The following CNBD1 variants were observed in gnomAD, a reference collection of about 807,000 sequenced individuals.
The protein encoded by CNBD1 is cyclic nucleotide binding domain containing 1.
CNBD1 carries 71 observed loss-of-function variants against 54.4 expected under a neutral mutation model. That is an observed-to-expected ratio of 1.30 (90% CI 1.08 to 1.59). CNBD1 has a LOEUF of 1.59. Among genes scored for constraint, CNBD1 ranks in the 40% most tolerant of loss-of-function variants. The pLI is 0.00. For missense variants in CNBD1, 659 were observed against 518.0 expected (o/e 1.27, Z -2.64); for synonymous variants, 182 against 170.7 (o/e 1.07, Z -0.51).
At chr8:87,151,529 A>G (rs1812603283) in intron 4 of CNBD1, among the ~76,000 whole-genome samples, 1 of 152,182 alleles carries the variant, frequency 6.6e-6, no homozygotes, top group Admixed American at 6.5e-5. Context: ...AATATACCAC[A>G]TCTACAATGT....
chr8:87,372,838 G>A (rs767750676), intron 10 of CNBD1, among the ~76,000 whole-genome samples: 1 of 151,618 alleles, frequency 6.6e-6, no homozygotes, highest in African/African-American at 2.4e-5. Context: ...CCTTTTTATA[G>A]ATGGTATAAG....
intron 4 of CNBD1, among the ~76,000 whole-genome samples, chr8:86,960,732 C>A (rs1586164163): frequency 6.6e-6 from 1 of 152,284 alleles, no homozygotes; most frequent in South Asian, 2.1e-4. Context: ...GAGACATCTC[C>A]CAGTGGGGGC....
rs1563566280 is a variant in CNBD1 at position 87,353,772 on chromosome 8, A to T, written c.1289A>T (p.Asp430Val). ...GAAGTTGAGATGGCAATCATTGAAGATAAGGACCTATTTGGTAAATGCATA... is the reference window on the plus strand; with the variant it reads ...GAAGTTGAGATGGCAATCATTGAAGTTAAGGACCTATTTGGTAAATGCATA... ...KKEVEMAIIE[D>V]KDLFVA The change falls in exon 10 of 11, where the codon GAT becomes GTT. Residue 430 changes from aspartate to valine, a missense_variant. Physicochemically the swap from Asp to Val is radical, Grantham distance 152. Transcript: ENST00000518476. 6.2e-7 allele frequency: 1 copy of T among 1,605,620 alleles called. No homozygotes were observed. The highest frequency in any genetic ancestry group is 8.5e-7 in the Non-Finnish European group (1 of 1,176,878).
intron 3 of CNBD1, among the ~76,000 whole-genome samples, chr8:86,931,064 C>T (rs1809448974): frequency 1.3e-5 from 2 of 152,122 alleles, no homozygotes. Flanking sequence ...TATGTCCCTC[C>T]CTAATAAGGG....
chr8:86,880,892 A>G (rs759423746), intron 1 of CNBD1, among the ~76,000 whole-genome samples: 2 of 152,226 alleles, frequency 1.3e-5, no homozygotes, highest in Non-Finnish European at 2.9e-5. Context: ...AAGAAATATG[A>G]TTCATCACAT....
At chr8:87,125,699 C>T (rs569950696) in intron 4 of CNBD1, among the ~76,000 whole-genome samples, 1 of 151,912 alleles carries the variant, frequency 6.6e-6, no homozygotes, top group Admixed American at 6.6e-5. Context: ...AAACAATAGG[C>T]TGTTCATATT....
At chr8:87,124,301 A>G (rs1811949957) in intron 4 of CNBD1, among the ~76,000 whole-genome samples, 1 of 151,716 alleles carries the variant, frequency 6.6e-6, no homozygotes, top group Non-Finnish European at 1.5e-5. Flanking sequence ...CACATTCTCC[A>G]GACATATGTT....
intron 4 of CNBD1, among the ~76,000 whole-genome samples, chr8:87,048,405 C>T (rs946796551): frequency 1.2e-4 from 18 of 152,132 alleles, no homozygotes; most frequent in Admixed American, 6.5e-4. Flanking sequence ...AGCCACGGGA[C>T]GAAGAGTAAC....
intron 10 of CNBD1, among the ~76,000 whole-genome samples, chr8:87,361,900 A>T (rs1810531332): frequency 6.6e-6 from 1 of 151,960 alleles, no homozygotes; most frequent in Admixed American, 6.6e-5. Context: ...CTTTAAATGA[A>T]TCAGTTTTAT....
At chr8:87,134,745 G>A (rs1812192588) in intron 4 of CNBD1, among the ~76,000 whole-genome samples, 1 of 151,400 alleles carries the variant, frequency 6.6e-6, no homozygotes, top group Non-Finnish European at 1.5e-5. Flanking sequence ...TGGGACTACA[G>A]GCGCCAGTCA....
At chr8:87,346,190 C>T (rs150307732) in intron 8 of CNBD1, among the ~76,000 whole-genome samples, 5,302 of 151,916 alleles carry the variant, frequency 0.035, 299 homozygotes, top group African/African-American at 0.12. Flanking sequence ...TACAGGCATG[C>T]GCCACCACGC....
chr8:86,870,531 C>T (rs572974300), intron 1 of CNBD1, among the ~76,000 whole-genome samples: 1 of 152,142 alleles, frequency 6.6e-6, no homozygotes, highest in East Asian at 1.9e-4. Flanking sequence ...TGTTTTTCTT[C>T]GCTCTTTTTC....
intron 6 of CNBD1, among the ~76,000 whole-genome samples, chr8:87,265,621 G>A (rs1455441400): frequency 1.3e-5 from 2 of 152,056 alleles, no homozygotes; most frequent in Non-Finnish European, 2.9e-5. Flanking sequence ...CTAGATTTGA[G>A]GATGGCAGTT....
At position 87,424,105 on chromosome 8, in the gene CNBD1, G is replaced by A. The variant is rs1178705333; in HGVS notation, c.214-4441G>A. On this transcript the variant is annotated intron_variant, in intron 2 of 7. Transcript: ENST00000521593. ...TTCTCTGATGGTAGTTTGTATTTCT[G>A]TGGGATTGGTGGTGATATCCCCTTT... is the stretch of plus-strand genomic sequence containing the variant. Among the ~76,000 whole-genome samples, 6 of 152,278 alleles carry A rather than the reference G, an allele frequency of 3.9e-5. No individual in the cohort carries two copies. In the East Asian group the frequency reaches 1.2e-3, roughly 29 times the overall value.
At chr8:87,024,452 T>C (rs1245593058) in intron 4 of CNBD1, among the ~76,000 whole-genome samples, 1 of 151,628 alleles carries the variant, frequency 6.6e-6, no homozygotes, top group Non-Finnish European at 1.5e-5. Context: ...CCAATTCTCA[T>C]GCCTCAGCCT....
intron 2 of CNBD1, among the ~76,000 whole-genome samples, chr8:87,389,540 A>G (rs1393680567): frequency 6.6e-6 from 1 of 152,210 alleles, no homozygotes; most frequent in African/African-American, 2.4e-5. Context: ...AATCCAACTT[A>G]CAAGGGACAT....
chr8:87,266,438 CTTTTTTTTTTTTTTTTTT>C lies in CNBD1; in HGVS notation c.772-18227_772-18210del, dbSNP rs72293236. Among the ~76,000 whole-genome samples the C allele has an allele frequency of 6.0e-5, 3 of 50,120 alleles. 1 individual carries two copies. The highest frequency in any genetic ancestry group is 1.7e-4 in the African/African-American group (2 of 11,604). The allele number at this position is 50,120 out of a possible 152,430, so 32.9% of individuals were successfully genotyped here. A position where few individuals can be genotyped will look rare whatever the true frequency, so the allele number is the denominator to read the frequency against. On this transcript the variant is annotated intron_variant, in intron 6 of 10. Coordinates refer to ENST00000518476, the MANE Select transcript of CNBD1 (RefSeq NM_173538.3). ...GGTCCAAGTAAAAAAAAAAAAAAAT[CTTTTTTTTTTTTTTTTTT>C]TTTTTTTTTTTTGAGACAGAGTTTT... is the stretch of plus-strand genomic sequence containing the variant.
At chr8:87,318,890 T>C (rs13255099) in intron 8 of CNBD1, among the ~76,000 whole-genome samples, 57,538 of 151,830 alleles carry the variant, frequency 0.38, 11,178 homozygotes, top group Middle Eastern at 0.45. Flanking sequence ...CTTAACACTA[T>C]CTTTCATGGA....
chr8:87,229,152 C>T (rs1257109818), intron 5 of CNBD1, among the ~76,000 whole-genome samples: 1 of 152,164 alleles, frequency 6.6e-6, no homozygotes, highest in African/African-American at 2.4e-5. Flanking sequence ...CGCTGTCTGG[C>T]ACTCCCTAGT....
Sources: allele counts gnomAD v4.1 joint callset (sites outside exome capture counted in the v4.1 genomes callset), GRCh38; gene constraint gnomAD v4.1.1; transcripts MANE v1.5; gene names NCBI Gene and HGNC (gene_info 2026-07-23, HGNC 2026-07-21).